The following STARD8 variants were observed in gnomAD, a reference collection of about 807,000 sequenced individuals.
The protein encoded by STARD8 is StAR related lipid transfer domain containing 8.
In STARD8, 25 loss-of-function variants were observed where a neutral mutation model predicts 69.4. The ratio of observed to expected loss-of-function variants is 0.36; its 90% CI spans 0.26 to 0.50. The LOEUF is 0.50. Ranked by LOEUF, STARD8 falls within the 20% of genes least tolerant of loss-of-function variation. The pLI is 0.96. For missense variants in STARD8, 921 were observed against 932.5 expected (o/e 0.99, Z 0.16); for synonymous variants, 389 against 374.6 (o/e 1.04, Z -0.45).
At chrX:68,678,883 G>A (rs758880758) in intron 2 of STARD8, among the ~76,000 whole-genome samples, 12 of 112,258 alleles carry the variant, frequency 1.1e-4, no homozygotes, top group South Asian at 3.8e-4. Flanking sequence ...GGAGACAAAC[G>A]GCCTGTATTC....
At chrX:68,653,522 C>CCA in intron 1 of STARD8, among the ~76,000 whole-genome samples, 1 of 79,186 alleles carries the variant, frequency 1.3e-5, no homozygotes, top group Non-Finnish European at 2.5e-5. Flanking sequence ...ACCACACACA[C>CCA]CACACACACC....
Position 68,720,205 on chromosome X carries a change from C to T in STARD8, c.1890-59C>T, listed in dbSNP as rs920171376. On this transcript the variant is annotated intron_variant, in intron 7 of 14. Transcript: ENST00000374599. ...CACCCCACCTGATCCTCTGAGACTG[C>T]AGGCAGAGTCTCCAAACTGTGTTCC... 20 of 1,110,645 alleles carry T rather than the reference C, an allele frequency of 1.8e-5. No individual in the cohort carries two copies. In the African/African-American group the frequency reaches 3.7e-4, roughly 21 times the overall value. The allele number at this position is 1,110,645 out of a possible 1,213,427, so 91.5% of individuals were successfully genotyped here. A position where few individuals can be genotyped will look rare whatever the true frequency, so the allele number is the denominator to read the frequency against.
chrX:68,651,068 CACAG>C (rs1429621718), intron 1 of STARD8, among the ~76,000 whole-genome samples: 1 of 112,617 alleles, frequency 8.9e-6, no homozygotes, highest in Admixed American at 9.3e-5. Flanking sequence ...CACATGTACA[CACAG>C]ACAGTGCACA....
chrX:68,652,436 A>AAGGCC (rs2079553837), intron 1 of STARD8, among the ~76,000 whole-genome samples: 1 of 111,241 alleles, frequency 9.0e-6, no homozygotes, highest in Non-Finnish European at 1.9e-5. Flanking sequence ...AAGGTGGCAA[A>AAGGCC]AGGCCAGGCC....
At chrX:68,690,442 G>T (rs946333151) in intron 2 of STARD8, among the ~76,000 whole-genome samples, 38 of 109,965 alleles carry the variant, frequency 3.5e-4, no homozygotes, top group Admixed American at 3.4e-3. Context: ...AGGGCGGGGG[G>T]ACTGTTGGGA....
At chrX:68,722,205 G>A (rs1356787432) in intron 11 of STARD8, 44 bp downstream of exon 11, 27 of 1,107,270 alleles carry the variant, frequency 2.4e-5, no homozygotes, top group Non-Finnish European at 3.1e-5. Context: ...AGACCTGGGG[G>A]AACCATCAGG....
chrX:68,705,219 A>G (rs1355944346), intron 2 of STARD8, among the ~76,000 whole-genome samples: 1 of 112,415 alleles, frequency 8.9e-6, no homozygotes. Context: ...CTTCCTTGTC[A>G]TAGGGAAACC....
At position 68,722,083 on chromosome X, in the gene STARD8, C is replaced by A; in HGVS notation, c.2496C>A (p.Gly832=). The A allele has an allele frequency of 3.3e-6, 4 of 1,206,096 alleles. No individual in the cohort carries two copies. Among genetic ancestry groups the A allele is most frequent in the Non-Finnish European group, 4.5e-6 (4 of 891,203 alleles). ...KSKRSLIGRP[G]PRDLSDNMAA... is the part of the protein sequence containing the mutation. ...AACGCAGCCTCATTGGCAGGCCAGG[C>A]CCTAGGGACCTGAGTGACAACATGG... Residue 832 remains glycine, a synonymous_variant, in exon 11 of 15, where the codon GGC becomes GGA. Coordinates refer to ENST00000374599, the MANE Select transcript of STARD8 (RefSeq NM_001142503.3).
rs887866530 is a variant in STARD8, at chrX:68,711,221, T to C, written c.80-1693T>C. 6.3e-5 allele frequency among the ~76,000 whole-genome samples: 6 copies of C among 95,672 alleles called. 1 individual carries two copies. The highest frequency in any genetic ancestry group is 8.2e-4 in the South Asian group (2 of 2,429). The allele number at this position is 95,672 out of a possible 115,157, so 83.1% of individuals were successfully genotyped here. A position where few individuals can be genotyped will look rare whatever the true frequency, so the allele number is the denominator to read the frequency against. On this transcript the variant is annotated intron_variant, in intron 2 of 14. Coordinates refer to ENST00000374599, the MANE Select transcript of STARD8 (RefSeq NM_001142503.3). ...GTAACATAAAACATACATGTATGCA[T>C]GCACACACACACACACACACACACA...
chrX:68,652,841 ACCC>A (rs1444449324), intron 1 of STARD8, among the ~76,000 whole-genome samples: 1 of 25,789 alleles, frequency 3.9e-5, no homozygotes, highest in Admixed American at 5.1e-4. Flanking sequence ...CCCCACACAC[ACCC>A]CCACACACCA....
chrX:68,658,748 G>A (rs776762152), intron 1 of STARD8, among the ~76,000 whole-genome samples: 2 of 112,720 alleles, frequency 1.8e-5, no homozygotes, highest in African/African-American at 6.4e-5. Flanking sequence ...CCTCTGCTGG[G>A]ATTTGGGGTC....
chrX:68,653,581 C>T (rs2079590951), intron 1 of STARD8, among the ~76,000 whole-genome samples: 2 of 94,063 alleles, frequency 2.1e-5, no homozygotes, highest in African/African-American at 8.0e-5. Flanking sequence ...ACACCACACA[C>T]ACACCACACC....
chrX:68,707,017 T>A (rs1404366645), intron 2 of STARD8, among the ~76,000 whole-genome samples: 1 of 112,723 alleles, frequency 8.9e-6, no homozygotes, highest in Non-Finnish European at 1.9e-5. Context: ...TCACAGAGCC[T>A]GCCTTGGGAA....
intron 2 of STARD8, among the ~76,000 whole-genome samples, chrX:68,669,894 A>G (rs772593445): frequency 8.9e-6 from 1 of 112,925 alleles, no homozygotes; most frequent in Non-Finnish European, 1.9e-5. Context: ...GAAAGTCATC[A>G]GAATAATAAT....
chrX:68,722,693 G>T, intron 12 of STARD8, 47 bp downstream of exon 12: 1 of 1,159,263 alleles, frequency 8.6e-7, no homozygotes, highest in Non-Finnish European at 1.2e-6. Context: ...GGAGAGCATG[G>T]TGCAGGCAAG....
chrX:68,675,037 A>G (rs1317763767), intron 2 of STARD8, among the ~76,000 whole-genome samples: 5 of 106,078 alleles, frequency 4.7e-5, no homozygotes, highest in Non-Finnish European at 9.7e-5. Context: ...GCTCACTGCA[A>G]CCTCCGCCTC....
chrX:68,693,734 G>A (rs1377307891), intron 2 of STARD8: 1 of 755,167 alleles, frequency 1.3e-6, no homozygotes, highest in East Asian at 1.5e-4. Flanking sequence ...GGCCCCGCGT[G>A]TGTCCCGGAC....
chrX:68,661,595 A>C (rs2079644616), intron 1 of STARD8, among the ~76,000 whole-genome samples: 1 of 111,233 alleles, frequency 9.0e-6, no homozygotes, highest in African/African-American at 3.3e-5. Flanking sequence ...TCTAAGGGGA[A>C]ATTCATTACA....
chrX:68,647,737 T>C lies in STARD8; in HGVS notation c.-146T>C. ...GCCCCGGCAACCGCTGCTCTCCGCC[T>C]CTCCCCTCGCGGGGCCGGCTCATGG... On this transcript the variant is annotated 5_prime_UTR_variant, in exon 1 of 15. Transcript: ENST00000374599. The C allele has an allele frequency of 1.2e-5, 9 of 750,426 alleles. No homozygotes were observed. The highest frequency in any genetic ancestry group is 1.7e-5 in the Non-Finnish European group (9 of 533,946). 61.8% of individuals were successfully genotyped at this position (750,426 alleles called of 1,213,427 possible). A position where few individuals can be genotyped will look rare whatever the true frequency, so the allele number is the denominator to read the frequency against.
Sources: allele counts gnomAD v4.1 joint callset (sites outside exome capture counted in the v4.1 genomes callset), GRCh38; gene constraint gnomAD v4.1.1; transcripts MANE v1.5; gene names NCBI Gene and HGNC (gene_info 2026-07-23, HGNC 2026-07-21).